The following LRRC38 variants were observed in gnomAD, a reference collection of about 807,000 sequenced individuals.
The protein encoded by LRRC38 is leucine-rich repeat-containing protein 38.
A neutral mutation model predicts 16.4 loss-of-function variants in LRRC38; 5 were observed. That is an observed-to-expected ratio of 0.31 (90% CI 0.16 to 0.64). The LOEUF (loss-of-function observed/expected upper bound fraction) is 0.64. LRRC38 is among the 30% of genes least tolerant of loss of function. LRRC38 has a pLI of 0.80. For synonymous variants in LRRC38, 191 were observed against 190.2 expected, an observed-to-expected ratio of 1.00 and a Z score of -0.04; for missense variants, 341 against 401.8, an observed-to-expected ratio of 0.85 and a Z score of 1.29.
chr1:13,512,921 G>GCCCCCCGCC, intron 1 of LRRC38, 42 bp downstream of exon 1: 1 of 1,246,174 alleles, frequency 8.0e-7, no homozygotes, highest in Non-Finnish European at 1.1e-6. Context: ...GCCTCTCCCT[G>GCCCCCCGCC]CCCCCCTCCC....
chr1:13,490,158 TTTTTG>T (rs1447023243), intron 1 of LRRC38, among the ~76,000 whole-genome samples: 3 of 152,080 alleles, frequency 2.0e-5, no homozygotes, highest in Admixed American at 6.5e-5. Flanking sequence ...TTTTTTTTGT[TTTTTG>T]TTTTTTGTTT....
intron 1 of LRRC38, among the ~76,000 whole-genome samples, chr1:13,477,994 T>C (rs933027771): frequency 2.0e-5 from 3 of 152,172 alleles, no homozygotes; most frequent in Non-Finnish European, 4.4e-5. Context: ...CAGAGCCCCA[T>C]CATCCCCAAC....
Position 13,480,926 on chromosome 1 carries a change from GAGATT to G in LRRC38, c.632-4832_632-4828del, listed in dbSNP as rs1286147782. Among the ~76,000 whole-genome samples, 8 of 152,186 alleles carry G rather than the reference GAGATT, an allele frequency of 5.3e-5. No homozygotes were observed. The East Asian group carries it at 1.5e-3, about 29-fold the overall frequency. ...TCCCACCTCAGCTTCACAAAGCTCTGAGATTAAAGGCGTGAGCCACCAGGCCCAGC... is the reference window on the plus strand; with the variant it reads ...TCCCACCTCAGCTTCACAAAGCTCTGAAAGGCGTGAGCCACCAGGCCCAGC... On this transcript the variant is annotated intron_variant, in intron 1 of 1. Coordinates refer to ENST00000376085, the MANE Select transcript of LRRC38 (RefSeq NM_001010847.2).
At chr1:13,495,488 G>C (rs889978715) in intron 1 of LRRC38, among the ~76,000 whole-genome samples, 2 of 151,946 alleles carry the variant, frequency 1.3e-5, no homozygotes, top group African/African-American at 4.8e-5. Context: ...TGGGGAGGGG[G>C]AGGGAGGGAA....
At position 13,487,756 on chromosome 1, in the gene LRRC38, C is replaced by G. The variant is rs1221989466; in HGVS notation, c.632-11657G>C. ...GCGGATGTTAGATTGAGATTAATCT[C>G]TTGCACCGGACCGGCCCCTTGCCAA... On this transcript the variant is annotated intron_variant, in intron 1 of 1. Coordinates refer to ENST00000376085, the MANE Select transcript of LRRC38 (RefSeq NM_001010847.2). This position sits in a 1 kb window ranked among gnomAD's most constrained non-coding sequence, Gnocchi z 4.4. Among the ~76,000 whole-genome samples, 1 of 152,188 alleles carries G rather than the reference C, an allele frequency of 6.6e-6. No individual in the cohort carries two copies. The highest frequency in any genetic ancestry group is 2.4e-5 in the African/African-American group (1 of 41,456).
At chr1:13,512,122 G>A (rs1195034259) in intron 1 of LRRC38, among the ~76,000 whole-genome samples, 2 of 152,106 alleles carry the variant, frequency 1.3e-5, no homozygotes, top group African/African-American at 4.8e-5. Flanking sequence ...GTGGGAGGCT[G>A]GAATCCACTT....
At chr1:13,510,284 G>C (rs934170022) in intron 1 of LRRC38, among the ~76,000 whole-genome samples, 2 of 152,154 alleles carry the variant, frequency 1.3e-5, no homozygotes, top group Non-Finnish European at 2.9e-5. Context: ...TCCTCACGGA[G>C]GAGGTACTGG....
intron 1 of LRRC38, among the ~76,000 whole-genome samples, chr1:13,490,397 G>T (rs1222425747): frequency 6.6e-6 from 1 of 152,142 alleles, no homozygotes; most frequent in Non-Finnish European, 1.5e-5. Flanking sequence ...GACCTCAAGT[G>T]ATCCGCCTGC....
intron 1 of LRRC38, among the ~76,000 whole-genome samples, chr1:13,496,424 CAGCCTCCCAAGTGCTGGGATTACAGGCTG>C (rs1439330453): frequency 3.3e-5 from 5 of 152,138 alleles, no homozygotes; most frequent in Non-Finnish European, 7.3e-5. Context: ...CTTCCCGCCT[CAGCCTCCCAAGTGCTGGGATTACAGGCTG>C]AGCCACCTTG....
intron 1 of LRRC38, among the ~76,000 whole-genome samples, chr1:13,494,573 G>A (rs34305324): frequency 0.057 from 8,638 of 152,204 alleles, 399 homozygotes; most frequent in East Asian, 0.15. Flanking sequence ...CACACAGCTG[G>A]TAAATAAAGG....
At chr1:13,508,470 T>C (rs1327290111) in intron 1 of LRRC38, among the ~76,000 whole-genome samples, 1 of 152,212 alleles carries the variant, frequency 6.6e-6, no homozygotes, top group Non-Finnish European at 1.5e-5. Flanking sequence ...ACAACTGTAA[T>C]GACAGGAAAT....
chr1:13,492,269 C>T (rs933606922), intron 1 of LRRC38, among the ~76,000 whole-genome samples: 4 of 152,164 alleles, frequency 2.6e-5, no homozygotes, highest in East Asian at 1.9e-4. Context: ...GGTTCATCCG[C>T]GTTGTAATGC....
chr1:13,475,670 C>G lies in LRRC38; in HGVS notation c.*176G>C, dbSNP rs563570926. On this transcript the variant is annotated 3_prime_UTR_variant, in exon 2 of 2. Transcript: ENST00000376085. This position sits in a 1 kb window ranked among gnomAD's most constrained non-coding sequence, Gnocchi z 4.3. ...CCTGGGCTTCTGTGCTCTGCTGATT[C>G]TAAACTCTGAGATCAGTGGTCCCAG... The G allele has an allele frequency of 1.1e-4, 81 of 751,852 alleles. No individual in the cohort carries two copies. In the African/African-American group the frequency reaches 1.3e-3, roughly 12 times the overall value. The allele number at this position is 751,852 out of a possible 1,614,324, so 46.6% of individuals were successfully genotyped here. A position where few individuals can be genotyped will look rare whatever the true frequency, so the allele number is the denominator to read the frequency against.
intron 1 of LRRC38, among the ~76,000 whole-genome samples, chr1:13,501,163 A>AT (rs1569932897): frequency 6.6e-6 from 1 of 152,186 alleles, no homozygotes; most frequent in East Asian, 1.9e-4. Flanking sequence ...AGATATATAT[A>AT]CGCATATATA....
intron 1 of LRRC38, among the ~76,000 whole-genome samples, chr1:13,476,984 A>G (rs529520138): frequency 1.3e-3 from 197 of 152,294 alleles, no homozygotes; most frequent in African/African-American, 4.4e-3. Context: ...GTGTTCCTGT[A>G]ATTCCAGCTA....
At chr1:13,481,539 C>T (rs1638856278) in intron 1 of LRRC38, among the ~76,000 whole-genome samples, 2 of 151,834 alleles carry the variant, frequency 1.3e-5, no homozygotes, top group African/African-American at 4.8e-5. Context: ...CTACAGGCAC[C>T]CACCACCACG....
chr1:13,493,343 G>A (rs1639041129), intron 1 of LRRC38, among the ~76,000 whole-genome samples: 1 of 151,952 alleles, frequency 6.6e-6, no homozygotes, highest in Admixed American at 6.6e-5. Flanking sequence ...CTTTGGGGTG[G>A]GCAAGGAGAG....
intron 1 of LRRC38, among the ~76,000 whole-genome samples, chr1:13,491,338 T>C (rs1242147947): frequency 6.6e-6 from 1 of 152,176 alleles, no homozygotes; most frequent in Non-Finnish European, 1.5e-5. Context: ...TTTTTATTTT[T>C]TATTTTTTAG....
chr1:13,492,267 C>T (rs552649953), intron 1 of LRRC38, among the ~76,000 whole-genome samples: 4 of 152,302 alleles, frequency 2.6e-5, no homozygotes, highest in African/African-American at 7.2e-5. Context: ...AAGGTTCATC[C>T]GCGTTGTAAT....
Sources: allele counts gnomAD v4.1 joint callset (sites outside exome capture counted in the v4.1 genomes callset), GRCh38; gene constraint gnomAD v4.1.1; non-coding constraint Gnocchi (gnomAD v3.1); transcripts MANE v1.5; gene names NCBI Gene and HGNC (gene_info 2026-07-23, HGNC 2026-07-21).